KLF7: variants seen among roughly 807,000 people sequenced by gnomAD.
The protein encoded by KLF7 is Krueppel-like factor 7.
Under a neutral mutation model 27.3 loss-of-function variants are expected in KLF7, and 2 were observed. That is an observed-to-expected ratio of 0.07 (90% confidence interval 0.03 to 0.23). The LOEUF (loss-of-function observed/expected upper bound fraction) is 0.23, where lower values mean the gene tolerates loss of function less well. Among genes scored for constraint, KLF7 ranks in the 10% least tolerant of loss-of-function variants. KLF7 has a pLI of 1.00. For missense variants in KLF7, 221 were observed against 394.1 expected, an observed-to-expected ratio of 0.56 and a Z score of 3.72; for synonymous variants, 165 against 162.4, an observed-to-expected ratio of 1.02 and a Z score of -0.12.
chr2:207,125,280 T>A (rs2077449680), intron 1 of KLF7, among the ~76,000 whole-genome samples: 1 of 152,200 alleles, frequency 6.6e-6, no homozygotes, highest in Admixed American at 6.5e-5. Context: ...CACTCATAAG[T>A]TTTTGTAAGA....
chr2:207,167,304 A>G (rs960201849), upstream of KLF7: 3 of 497,496 alleles, frequency 6.0e-6, no homozygotes, highest in Admixed American at 4.6e-5. Flanking sequence ...CTTGACCTTA[A>G]ATGGTTAGTG....
At chr2:207,147,791 C>T (rs753251978) in intron 1 of KLF7, among the ~76,000 whole-genome samples, 2 of 152,164 alleles carry the variant, frequency 1.3e-5, no homozygotes, top group Non-Finnish European at 2.9e-5. Context: ...CTGTGTAACA[C>T]GATATGCCGG....
chr2:207,122,910 A>C (rs1443546973), intron 2 of KLF7, among the ~76,000 whole-genome samples: 1 of 148,890 alleles, frequency 6.7e-6, no homozygotes, highest in Non-Finnish European at 1.5e-5. Flanking sequence ...CTAGCATCCT[A>C]GTAGCCCAGG....
At chr2:207,134,008 T>C (rs2077710887) in intron 1 of KLF7, 1 of 1,382,926 alleles carries the variant, frequency 7.2e-7, no homozygotes, top group Non-Finnish European at 9.8e-7. Flanking sequence ...CCGCTCCTGT[T>C]AACTTTGCAC....
chr2:207,156,756 A>G (rs1003250826), intron 1 of KLF7, among the ~76,000 whole-genome samples: 44 of 152,236 alleles, frequency 2.9e-4, no homozygotes, highest in Non-Finnish European at 2.9e-4. Flanking sequence ...GCTATTAACA[A>G]AAGTGCCAGA....
intron 3 of KLF7, among the ~76,000 whole-genome samples, chr2:207,082,443 C>T (rs144632639): frequency 1.5e-4 from 23 of 152,264 alleles, no homozygotes; most frequent in East Asian, 5.8e-4. Context: ...CTGGATCCAA[C>T]GAAGCCTAAA....
chr2:207,096,240 C>T (rs2105894479), intron 2 of KLF7, among the ~76,000 whole-genome samples: 1 of 152,154 alleles, frequency 6.6e-6, no homozygotes, highest in Admixed American at 6.5e-5. Context: ...GGAATCTCTC[C>T]TCCCCACCCC....
chr2:207,163,560 T>C (rs903154073), intron 1 of KLF7, among the ~76,000 whole-genome samples: 1 of 152,220 alleles, frequency 6.6e-6, no homozygotes, highest in Admixed American at 6.5e-5. Context: ...AAAAGCAGGT[T>C]TCCTGTGAAG....
chr2:207,114,287 T>C (rs888356970), intron 2 of KLF7, among the ~76,000 whole-genome samples: 7 of 152,244 alleles, frequency 4.6e-5, no homozygotes, highest in African/African-American at 7.2e-5. Context: ...AACAGGCTCA[T>C]GACCAATTGA....
chr2:207,090,048 T>C (rs928329268), intron 2 of KLF7, among the ~76,000 whole-genome samples: 1 of 152,172 alleles, frequency 6.6e-6, no homozygotes, highest in African/African-American at 2.4e-5. Flanking sequence ...TTTATTTGTA[T>C]CACCTAGAAT....
intron 3 of KLF7, among the ~76,000 whole-genome samples, chr2:207,088,066 C>T (rs1452403363): frequency 1.3e-5 from 2 of 152,162 alleles, no homozygotes. Context: ...TCTACTCTTT[C>T]TTATTACTAT....
At chr2:207,090,442 G>A (rs187111843) in intron 2 of KLF7, among the ~76,000 whole-genome samples, 157 of 152,266 alleles carry the variant, frequency 1.0e-3, no homozygotes, top group Non-Finnish European at 4.4e-4. Flanking sequence ...ACGAGGGTGA[G>A]CTTATTAATA....
chr2:207,130,608 T>C (rs1227631929), intron 1 of KLF7, among the ~76,000 whole-genome samples: 1 of 152,196 alleles, frequency 6.6e-6, no homozygotes, highest in Non-Finnish European at 1.5e-5. Flanking sequence ...CTCCCATCCA[T>C]TGCAACCACT....
At chr2:207,091,408 A>C (rs2076508806) in intron 2 of KLF7, among the ~76,000 whole-genome samples, 1 of 152,160 alleles carries the variant, frequency 6.6e-6, no homozygotes, top group African/African-American at 2.4e-5. Context: ...TCTGAATCTT[A>C]TCACCTGACA....
At chr2:207,156,863 G>C (rs1459295346) in intron 1 of KLF7, among the ~76,000 whole-genome samples, 2 of 152,140 alleles carry the variant, frequency 1.3e-5, no homozygotes, top group African/African-American at 4.8e-5. Flanking sequence ...AATATAAGAA[G>C]CAGGTAACCC....
chr2:207,144,649 C>T (rs530527395), intron 1 of KLF7, among the ~76,000 whole-genome samples: 6 of 152,252 alleles, frequency 3.9e-5, no homozygotes, highest in Admixed American at 1.3e-4. Context: ...GCTGGTCTTT[C>T]GGTCATCCTG....
At chr2:207,110,280 T>G (rs543185331) in intron 2 of KLF7, among the ~76,000 whole-genome samples, 2 of 152,358 alleles carry the variant, frequency 1.3e-5, no homozygotes, top group African/African-American at 4.8e-5. Flanking sequence ...CAGTGAATAG[T>G]AGGAAATGTA....
chr2:207,116,534 C>T (rs12328563), intron 2 of KLF7, among the ~76,000 whole-genome samples: 51,511 of 152,060 alleles, frequency 0.34, 9,335 homozygotes, highest in Middle Eastern at 0.45. Context: ...GTCATCTTAG[C>T]CTTCACTCTT....
chr2:207,167,345 G>A, upstream of KLF7: 1 of 361,926 alleles, frequency 2.8e-6, no homozygotes, highest in Non-Finnish European at 4.9e-6. Context: ...TGCGCTGTGA[G>A]CTGAGCTTCC....
Sources: gnomAD v4.1 joint callset for allele counts (sites outside exome capture counted in the v4.1 genomes callset) on GRCh38, gnomAD v4.1.1 for gene constraint, MANE v1.5 for transcripts, NCBI Gene and HGNC (gene_info 2026-07-23, HGNC 2026-07-21) for gene names.